OR6J1: variants seen among roughly 807,000 people sequenced by gnomAD.
OR6J1 encodes olfactory receptor 6J1.
For synonymous variants in OR6J1, 109 were observed against 70.0 expected (o/e 1.56, Z -2.78); for missense variants, 304 against 166.8 (o/e 1.82, Z -4.53).
At chr14:22,641,323 A>AG (rs1488370832) in intron 1 of OR6J1, among the ~76,000 whole-genome samples, 65,186 of 117,870 alleles carry the variant, frequency 0.55, 20,674 homozygotes, top group East Asian at 0.72. Flanking sequence ...GAGAGAGAGG[A>AG]AGGAAGGAAG....
In OR6J1 at chr14:22,642,312, A is replaced by AATATATAT. The variant is rs71421135; in HGVS notation, c.-28+1778_-28+1785dup. ...TGTCCATCACCACAATCAACTTAAG[A>AATATATAT]ATATATATATATATATATATATATA... On this transcript the variant is annotated intron_variant, in intron 1 of 1. Coordinates refer to ENST00000540461, the MANE Select transcript of OR6J1 (RefSeq NM_001348233.2). 8.2e-3 allele frequency among the ~76,000 whole-genome samples: 888 copies of AATATATAT among 108,920 alleles called. 12 individuals are homozygous for AATATATAT. The highest frequency in any genetic ancestry group is 0.012 in the African/African-American group (296 of 24,358). 71.5% of individuals were successfully genotyped at this position (108,920 alleles called of 152,430 possible). A position where few individuals can be genotyped will look rare whatever the true frequency, so the allele number is the denominator to read the frequency against.
chr14:22,638,007 C>T (rs2037607976), intron 1 of OR6J1, among the ~76,000 whole-genome samples: 1 of 91,994 alleles, frequency 1.1e-5, no homozygotes, highest in African/African-American at 7.1e-5. Flanking sequence ...GCCTGGCCAG[C>T]CGCCCCGTCC....
rs1334432612 is a variant in OR6J1, at chr14:22,637,939, C to T, written c.-27-3101G>A. On this transcript the variant is annotated intron_variant, in intron 1 of 1. Coordinates refer to ENST00000540461, the MANE Select transcript of OR6J1 (RefSeq NM_001348233.2). ...CCCCCGCCCGGCCGGCCGCCCCGTCCGGGAGGTGAGGGAGGCCTCTGCCCG... is the reference window on the plus strand; with the variant it reads ...CCCCCGCCCGGCCGGCCGCCCCGTCTGGGAGGTGAGGGAGGCCTCTGCCCG... Among the ~76,000 whole-genome samples, 6 of 86,486 alleles carry T rather than the reference C, an allele frequency of 6.9e-5. No homozygotes were observed. In the East Asian group the frequency reaches 9.3e-4, roughly 13 times the overall value. 56.7% of individuals were successfully genotyped at this position (86,486 alleles called of 152,430 possible).
intron 1 of OR6J1, among the ~76,000 whole-genome samples, chr14:22,637,639 G>T (rs1373204046): frequency 6.7e-5 from 5 of 74,496 alleles, no homozygotes; most frequent in African/African-American, 7.2e-5. Context: ...GAGGTGGGGG[G>T]GTCAGCCCCC....
At chr14:22,635,675 C>T (rs2037578524) in intron 1 of OR6J1, among the ~76,000 whole-genome samples, 1 of 152,144 alleles carries the variant, frequency 6.6e-6, no homozygotes, top group South Asian at 2.1e-4. Flanking sequence ...AAGACACAGA[C>T]CCACACAGAT....
Position 22,633,805 on chromosome 14 carries a change from G to A in OR6J1, c.1007C>T (p.Ser336Phe), listed in dbSNP as rs1002747396. 1.1e-5 allele frequency: 8 copies of A among 698,896 alleles called. No homozygotes were observed. The highest frequency in any genetic ancestry group is 1.8e-5 in the Non-Finnish European group (7 of 382,804). The allele number at this position is 698,896 out of a possible 1,614,324, so 43.3% of individuals were successfully genotyped here. A position where few individuals can be genotyped will look rare whatever the true frequency, so the allele number is the denominator to read the frequency against. The change falls in exon 2 of 2, where the codon TCT (serine) becomes TTT (phenylalanine). Residue 336 changes from serine to phenylalanine, a missense_variant. By Grantham distance (155) the Ser-to-Phe change is radical. Coordinates refer to ENST00000540461, the MANE Select transcript of OR6J1 (RefSeq NM_001348233.2). ...CTTTACAGAATAGACACATGGTGGAGAAGAGCAAGCCCTTCCTTGGTGGTC... is the reference window on the plus strand; with the variant it reads ...CTTTACAGAATAGACACATGGTGGAAAAGAGCAAGCCCTTCCTTGGTGGTC... ...NKDHQGRACS[S>F]PPCVYSVKLQ...
intron 1 of OR6J1, among the ~76,000 whole-genome samples, chr14:22,641,270 G>A (rs772662874): frequency 0.026 from 1,983 of 75,306 alleles, 53 homozygotes; most frequent in African/African-American, 0.059. Context: ...AGAAAGAAAG[G>A]AAGGAAGGAA....
intron 1 of OR6J1, among the ~76,000 whole-genome samples, chr14:22,643,484 TA>T (rs2037666170): frequency 6.7e-6 from 1 of 149,866 alleles, no homozygotes; most frequent in African/African-American, 2.5e-5. Flanking sequence ...TTTGTAGTGA[TA>T]GGGGTTTTGC....
chr14:22,643,798 G>GAGAGAGAGAA (rs2037671121), intron 1 of OR6J1, among the ~76,000 whole-genome samples: 1 of 148,900 alleles, frequency 6.7e-6, no homozygotes, highest in African/African-American at 2.5e-5. Context: ...GAGAGAGAGA[G>GAGAGAGAGAA]ACAGCAGTTA....
intron 1 of OR6J1, among the ~76,000 whole-genome samples, chr14:22,643,113 G>A (rs751717467): frequency 1.2e-4 from 18 of 151,528 alleles, no homozygotes; most frequent in Admixed American, 3.9e-4. Context: ...GATTACAGGC[G>A]TCTGCCACCA....
chr14:22,643,760 C>CAGAG lies in OR6J1; in HGVS notation c.-28+337_-28+338insCTCT, dbSNP rs1253631755. Among the ~76,000 whole-genome samples the CAGAG allele has an allele frequency of 8.0e-3, 503 of 62,732 alleles. 2 individuals are homozygous for CAGAG. Among genetic ancestry groups the CAGAG allele is most frequent in the East Asian group, 0.047 (60 of 1,268 alleles). The allele number at this position is 62,732 out of a possible 152,430, so 41.2% of individuals were successfully genotyped here. On this transcript the variant is annotated intron_variant, in intron 1 of 1. Coordinates refer to ENST00000540461, the MANE Select transcript of OR6J1 (RefSeq NM_001348233.2). ...ACACACACACACACACACACACACA[C>CAGAG]ACACAGAGAGAGAGAGAGAGAGAGA...
chr14:22,643,124 C>T (rs1306348668), intron 1 of OR6J1, among the ~76,000 whole-genome samples: 7 of 151,830 alleles, frequency 4.6e-5, no homozygotes, highest in East Asian at 3.9e-4. Context: ...TCTGCCACCA[C>T]GCCCAGCAGA....
intron 1 of OR6J1, among the ~76,000 whole-genome samples, 159 bp downstream of exon 1, chr14:22,643,939 C>T (rs2037671973): frequency 6.6e-6 from 1 of 152,178 alleles, no homozygotes; most frequent in African/African-American, 2.4e-5. Flanking sequence ...TCTCAAAATA[C>T]ATCTTTGCAT....
rs1193825851 is a variant in OR6J1, at chr14:22,636,943, G to A, written c.-27-2105C>T. Among the ~76,000 whole-genome samples, 383 of 122,896 alleles carry A rather than the reference G, an allele frequency of 3.1e-3. 27 individuals are homozygous for A. The highest frequency in any genetic ancestry group is 5.4e-3 in the Non-Finnish European group (329 of 61,198). The allele number at this position is 122,896 out of a possible 152,430, so 80.6% of individuals were successfully genotyped here. On this transcript the variant is annotated intron_variant, in intron 1 of 1. Transcript: ENST00000540461. ...TGGAAAGTGAGGAGCGTCTCTGCCC[G>A]GCCGCCATCCCATCTAGGAAGCGAG...
chr14:22,643,535 G>A (rs549407117), intron 1 of OR6J1, among the ~76,000 whole-genome samples: 14 of 151,890 alleles, frequency 9.2e-5, no homozygotes, highest in Non-Finnish European at 1.9e-4. Context: ...GGGCTCAAGC[G>A]ATCTTCCTGT....
chr14:22,643,798 GAC>G (rs2037671152), intron 1 of OR6J1, among the ~76,000 whole-genome samples: 1 of 148,900 alleles, frequency 6.7e-6, no homozygotes, highest in Non-Finnish European at 1.5e-5. Flanking sequence ...GAGAGAGAGA[GAC>G]AGCAGTTACT....
intron 1 of OR6J1, among the ~76,000 whole-genome samples, chr14:22,643,758 C>CAGAG (rs1235103171): frequency 0.024 from 1,422 of 59,936 alleles, 12 homozygotes; most frequent in Non-Finnish European, 0.029. Context: ...CACACACACA[C>CAGAG]ACACACAGAG....
intron 1 of OR6J1, among the ~76,000 whole-genome samples, chr14:22,635,677 C>T (rs991494531): frequency 2.2e-4 from 34 of 152,272 alleles, no homozygotes; most frequent in African/African-American, 7.7e-4. Flanking sequence ...GACACAGACC[C>T]ACACAGATGT....
chr14:22,641,590 A>G (rs1394391358), intron 1 of OR6J1, among the ~76,000 whole-genome samples: 1 of 118,538 alleles, frequency 8.4e-6, no homozygotes, highest in Non-Finnish European at 1.9e-5. Context: ...AAAGAAAATT[A>G]TTCTAAAAGG....
Sources: gnomAD v4.1 joint callset for allele counts (sites outside exome capture counted in the v4.1 genomes callset) on GRCh38, gnomAD v4.1.1 for gene constraint, MANE v1.5 for transcripts, NCBI Gene and HGNC (gene_info 2026-07-23, HGNC 2026-07-21) for gene names.